Variants in PPP2R2C observed in about 807,000 individuals in gnomAD.
PPP2R2C encodes the protein protein phosphatase 2, regulatory subunit B, gamma.
Under a neutral mutation model 45.3 loss-of-function variants are expected in PPP2R2C, and 10 were observed. That is an observed-to-expected ratio of 0.22 (90% CI 0.14 to 0.37). The LOEUF (loss-of-function observed/expected upper bound fraction) is 0.37. Among genes scored for constraint, PPP2R2C ranks in the 10% least tolerant of loss-of-function variants. The pLI, the probability that PPP2R2C is intolerant of heterozygous loss-of-function variation, is 1.00. For missense variants in PPP2R2C, 308 were observed against 619.7 expected, an observed-to-expected ratio of 0.50 and a Z score of 5.34; for synonymous variants, 257 against 245.4, an observed-to-expected ratio of 1.05 and a Z score of -0.44.
chr4:6,500,395 G>A (rs1723012330), intron 2 of PPP2R2C, among the ~76,000 whole-genome samples: 1 of 152,208 alleles, frequency 6.6e-6, no homozygotes. Context: ...TGATCTGCCT[G>A]CCTTGGCCTC....
chr4:6,536,663 C>T (rs1010002310), intron 1 of PPP2R2C, among the ~76,000 whole-genome samples: 3 of 152,246 alleles, frequency 2.0e-5, no homozygotes, highest in African/African-American at 7.2e-5. Context: ...GGCAGCTCCA[C>T]AGGGGACAAT....
upstream of PPP2R2C, among the ~76,000 whole-genome samples, chr4:6,476,357 AGGAGGTG>A (rs1416865469): frequency 6.6e-6 from 1 of 152,102 alleles, no homozygotes; most frequent in African/African-American, 2.4e-5. Context: ...TGATGGTTTT[AGGAGGTG>A]GGGTCTTTGA....
At chr4:6,387,582 G>A (rs1338064023) in intron 1 of PPP2R2C, among the ~76,000 whole-genome samples, 3 of 152,118 alleles carry the variant, frequency 2.0e-5, no homozygotes, top group Admixed American at 6.6e-5. Flanking sequence ...AGTCCAAGCC[G>A]GGTGGATCAC....
intron 1 of PPP2R2C, among the ~76,000 whole-genome samples, chr4:6,553,453 G>T (rs1021910820): frequency 2.0e-4 from 31 of 152,324 alleles, no homozygotes; most frequent in African/African-American, 5.1e-4. Context: ...ACACAGTAAG[G>T]CACGGGGTCC....
chr4:6,334,844 C>T (rs543859113), intron 6 of PPP2R2C, among the ~76,000 whole-genome samples: 1 of 152,230 alleles, frequency 6.6e-6, no homozygotes, highest in Admixed American at 6.5e-5. Context: ...CTGATCACAG[C>T]ACCCTGAGGC....
At chr4:6,413,931 C>T (rs974106989) in intron 1 of PPP2R2C, 47 of 1,536,114 alleles carry the variant, frequency 3.1e-5, no homozygotes, top group Non-Finnish European at 3.7e-5. Context: ...TCAGCGTCTT[C>T]GTTATACTCA....
At chr4:6,403,220 G>A (rs1301918536) in intron 1 of PPP2R2C, among the ~76,000 whole-genome samples, 2 of 152,184 alleles carry the variant, frequency 1.3e-5, no homozygotes, top group Non-Finnish European at 2.9e-5. Flanking sequence ...AAAAGGCAGG[G>A]CCCACAGCAA....
Position 6,548,774 on chromosome 4 carries a change from T to C in PPP2R2C, c.-58-13397A>G, listed in dbSNP as rs569540975. Among the ~76,000 whole-genome samples the C allele has an allele frequency of 2.0e-5, 3 of 152,282 alleles. No individual in the cohort carries two copies. The East Asian group carries it at 5.8e-4, about 29-fold the overall frequency. On this transcript the variant is annotated intron_variant, in intron 1 of 9. Transcript: ENST00000506140. ...GGCTGCCAGAAAGAACAGCCTTGGTTCAGTGGGAGAGGCAGATCCTGAAGA... is the reference window on the plus strand; with the variant it reads ...GGCTGCCAGAAAGAACAGCCTTGGTCCAGTGGGAGAGGCAGATCCTGAAGA...
intron 1 of PPP2R2C, among the ~76,000 whole-genome samples, chr4:6,425,536 C>T (rs1319957663): frequency 6.6e-6 from 1 of 152,230 alleles, no homozygotes; most frequent in Non-Finnish European, 1.5e-5. Context: ...AGCTCAGAGG[C>T]TGTGTGTTCC....
chr4:6,351,269 C>T (rs532147443), intron 5 of PPP2R2C: 26 of 628,514 alleles, frequency 4.1e-5, no homozygotes, highest in South Asian at 1.4e-4. Flanking sequence ...GCTGAGATCG[C>T]GCCACTGCAC....
chr4:6,479,316 C>A (rs927790437), intron 2 of PPP2R2C, among the ~76,000 whole-genome samples: 1 of 152,212 alleles, frequency 6.6e-6, no homozygotes, highest in Admixed American at 6.5e-5. Context: ...AGGTGGCTCT[C>A]TTGGCTTGTT....
rs556030612 is a variant in PPP2R2C, at chr4:6,514,405, C to T, written c.49+20866G>A. ...GGTCTCAAGGCAATTTTGTTATGGC[C>T]ACTTTGATAGAAGAGGTGATTGGTG... On this transcript the variant is annotated intron_variant, in intron 2 of 9. Coordinates refer to the PPP2R2C transcript ENST00000506140. Among the ~76,000 whole-genome samples, 169 of 152,272 alleles carry T rather than the reference C, an allele frequency of 1.1e-3. 1 individual carries two copies. The highest frequency in any genetic ancestry group is 6.2e-3 in the South Asian group (30 of 4,822).
intron 1 of PPP2R2C, among the ~76,000 whole-genome samples, chr4:6,468,482 T>C (rs906967098): frequency 6.6e-6 from 1 of 152,190 alleles, no homozygotes; most frequent in Non-Finnish European, 1.5e-5. Context: ...TCCAACAGTG[T>C]GTGATGGCTG....
intron 5 of PPP2R2C, among the ~76,000 whole-genome samples, chr4:6,372,089 G>T (rs994684619): frequency 6.6e-6 from 1 of 152,212 alleles, no homozygotes; most frequent in Non-Finnish European, 1.5e-5. Context: ...GTCACCCGAA[G>T]CCCTGGCCGG....
rs1159391726 is a variant in PPP2R2C, at chr4:6,345,203, A to AC, written c.790+2642dup. ...CAGCAGCGGACCAGGAGCAGGAAGA[A>AC]CCCCCTCTCTTCCCCAATATTCTCC... On this transcript the variant is annotated intron_variant, in intron 6 of 8. Coordinates refer to ENST00000382599, the MANE Select transcript of PPP2R2C (RefSeq NM_020416.4). The surrounding 1 kb of genome is among the most constrained non-coding windows in gnomAD (Gnocchi z 5.3). Among the ~76,000 whole-genome samples the AC allele has an allele frequency of 3.3e-5, 5 of 151,780 alleles. No homozygotes were observed. Among genetic ancestry groups the AC allele is most frequent in the African/African-American group, 4.8e-5 (2 of 41,312 alleles).
At chr4:6,356,913 G>A (rs759258011) in intron 5 of PPP2R2C, among the ~76,000 whole-genome samples, 10 of 147,930 alleles carry the variant, frequency 6.8e-5, no homozygotes, top group Non-Finnish European at 1.5e-4. Flanking sequence ...GCTGTCAGGT[G>A]GGACCCTGGG....
chr4:6,402,539 G>A (rs536763021), intron 1 of PPP2R2C, among the ~76,000 whole-genome samples: 8 of 151,140 alleles, frequency 5.3e-5, no homozygotes, highest in East Asian at 1.9e-4. Context: ...CCACCCTCAC[G>A]CCCTCCATTT....
chr4:6,457,815 T>C (rs1443257500), intron 1 of PPP2R2C, among the ~76,000 whole-genome samples: 1 of 152,262 alleles, frequency 6.6e-6, no homozygotes, highest in Admixed American at 6.5e-5. Context: ...GCTACTGTTA[T>C]TGTATACCTT....
At chr4:6,410,849 AT>A (rs1005511852) in intron 1 of PPP2R2C, among the ~76,000 whole-genome samples, 3 of 133,468 alleles carry the variant, frequency 2.2e-5, no homozygotes, top group African/African-American at 1.0e-4. Flanking sequence ...TGTTTTATTT[AT>A]TTATTTATTT....
Sources: gnomAD v4.1 joint callset for allele counts (sites outside exome capture counted in the v4.1 genomes callset) on GRCh38, gnomAD v4.1.1 for gene constraint, Gnocchi (gnomAD v3.1) non-coding constraint, MANE v1.5 for transcripts, NCBI Gene and HGNC (gene_info 2026-07-23, HGNC 2026-07-21) for gene names.